IQCE: variants seen among roughly 807,000 people sequenced by gnomAD.
IQCE encodes the protein IQ domain-containing protein E.
A neutral mutation model predicts 96.0 loss-of-function variants in IQCE; 115 were observed. The observed-to-expected ratio is 1.20, with a 90% confidence interval of 1.03 to 1.40. The LOEUF is 1.40. Among genes scored for constraint, IQCE ranks in the 40% most tolerant of loss-of-function variants. The pLI is 0.00. For missense variants in IQCE, 1,041 were observed against 909.1 expected (o/e 1.15, Z -1.87); for synonymous variants, 412 against 371.2 (o/e 1.11, Z -1.26).
Position 2,559,140 on chromosome 7 carries a change from C to T in IQCE, c.-42C>T. 1 of 1,205,784 alleles carries T rather than the reference C, an allele frequency of 8.3e-7. No homozygotes were observed. Among genetic ancestry groups the T allele is most frequent in the Non-Finnish European group, 1.0e-6 (1 of 969,250 alleles). The allele number at this position is 1,205,784 out of a possible 1,614,324, so 74.7% of individuals were successfully genotyped here. A position where few individuals can be genotyped will look rare whatever the true frequency, so the allele number is the denominator to read the frequency against. On this transcript the variant is annotated 5_prime_UTR_variant, in exon 1 of 22. Coordinates refer to ENST00000402050, the MANE Select transcript of IQCE (RefSeq NM_152558.5). ...CCGCGGATTCCCAGACCCGGACGCC[C>T]GAGCCAGCAACCCTGAGGGGCGGCC...
At chr7:2,589,683 G>T (rs1783424390) in intron 13 of IQCE, among the ~76,000 whole-genome samples, 1 of 152,090 alleles carries the variant, frequency 6.6e-6, no homozygotes. Flanking sequence ...GCTTGGCGGG[G>T]GTCTGCGCGT....
At chr7:2,578,377 G>C (rs1562638005) in intron 7 of IQCE, 22 bp downstream of exon 7, 1 of 1,612,768 alleles carries the variant, frequency 6.2e-7, no homozygotes, top group East Asian at 2.2e-5. Context: ...GCGCTTCACG[G>C]ACGGGGCAAG....
intron 1 of IQCE, among the ~76,000 whole-genome samples, chr7:2,564,172 A>G (rs539408817): frequency 1.8e-4 from 28 of 152,186 alleles, no homozygotes; most frequent in African/African-American, 5.1e-4. Context: ...AGATCATGCT[A>G]TTGCACCCCA....
At chr7:2,570,992 A>C (rs955460240) in intron 3 of IQCE, among the ~76,000 whole-genome samples, 2 of 152,084 alleles carry the variant, frequency 1.3e-5, no homozygotes, top group African/African-American at 4.8e-5. Flanking sequence ...ATGTTGGTAG[A>C]ATTCATATAT....
At chr7:2,569,866 A>G (rs936665998) in intron 3 of IQCE, among the ~76,000 whole-genome samples, 12 of 152,374 alleles carry the variant, frequency 7.9e-5, no homozygotes, top group Non-Finnish European at 2.9e-5. Context: ...AAAAGAATGC[A>G]TGTTATATGT....
At chr7:2,606,074 G>A in intron 20 of IQCE, 77 bp downstream of exon 20, 1 of 1,458,948 alleles carries the variant, frequency 6.9e-7, no homozygotes, top group Non-Finnish European at 9.1e-7. Context: ...CGGAGCACTG[G>A]GTGCAGGGCA....
intron 1 of IQCE, among the ~76,000 whole-genome samples, chr7:2,562,621 G>T (rs1179322350): frequency 2.0e-5 from 3 of 148,294 alleles, no homozygotes; most frequent in East Asian, 3.9e-4. Flanking sequence ...CTGTATTTTG[G>T]TAATTTCGTG....
chr7:2,606,075 G>C, intron 20 of IQCE, 78 bp downstream of exon 20: 1 of 1,459,318 alleles, frequency 6.9e-7, no homozygotes, highest in Non-Finnish European at 9.1e-7. Flanking sequence ...GGAGCACTGG[G>C]TGCAGGGCAT....
At chr7:2,600,844 T>A (rs1267948885) in intron 17 of IQCE, among the ~76,000 whole-genome samples, 1 of 152,162 alleles carries the variant, frequency 6.6e-6, no homozygotes, top group East Asian at 1.9e-4. Context: ...AGGACTTCGC[T>A]CACATCTATA....
At chr7:2,579,769 G>T (rs550896971) in intron 8 of IQCE, among the ~76,000 whole-genome samples, 1 of 150,812 alleles carries the variant, frequency 6.6e-6, no homozygotes, top group South Asian at 2.1e-4. Context: ...CTTGAGACAG[G>T]GACTCACTCT....
At chr7:2,607,379 T>G in intron 21 of IQCE, 152 bp downstream of exon 21, 1 of 1,390,474 alleles carries the variant, frequency 7.2e-7, no homozygotes, top group Non-Finnish European at 9.3e-7. Context: ...CGTCGCCTTA[T>G]GCCAGGAAGG....
chr7:2,603,290 T>C (rs930263580), intron 18 of IQCE, among the ~76,000 whole-genome samples: 1 of 152,212 alleles, frequency 6.6e-6, no homozygotes, highest in South Asian at 2.1e-4. Context: ...CACTTTGTGG[T>C]TATTCTTGCC....
At chr7:2,582,213 G>A (rs1782728131) in intron 8 of IQCE, 3 of 387,684 alleles carry the variant, frequency 7.7e-6, no homozygotes, top group South Asian at 4.3e-5. Flanking sequence ...GGGGCTTCAG[G>A]TCTGTGGTTT....
Position 2,605,917 on chromosome 7 carries a change from C to T in IQCE, c.1785C>T (p.Ala595=), listed in dbSNP as rs777774245. ...VPRVPSPIAQ[A]TGSPVQEEAI... is the part of the protein sequence containing the mutation. The stretch of plus-strand genomic sequence containing the variant: ...GCGTTCCGAGCCCCATCGCCCAGGC[C>T]ACGGGCAGCCCTGTGCAGGAGGAGG... The change falls in exon 20 of 22, where the codon GCC becomes GCT. Residue 595 remains alanine (A), a synonymous_variant. Coordinates refer to ENST00000402050, the MANE Select transcript of IQCE (RefSeq NM_152558.5). 7.5e-6 allele frequency: 12 copies of T among 1,609,088 alleles called. No homozygotes were observed. The highest frequency in any genetic ancestry group is 4.0e-5 in the African/African-American group (3 of 74,678).
rs372253138 is a variant in IQCE, at chr7:2,598,534, G to A, written c.1510G>A (p.Glu504Lys). Residue 504 changes from glutamate (E) to lysine (K), a missense_variant, in exon 17 of 22, where the codon GAG (glutamate) becomes AAG (lysine). By Grantham distance (56) the Glu-to-Lys change is moderately conservative. Coordinates refer to ENST00000402050, the MANE Select transcript of IQCE (RefSeq NM_152558.5). ...CEQDWPPDSS[E>K]EGLPRPRSPC... ...GCAAGACTGGCCGCCGGATTCCAGC[G>A]AGGAGGGGCTCCCGCGGCCCCGCTC... 21 of 1,611,210 alleles carry A rather than the reference G, an allele frequency of 1.3e-5. No homozygotes were observed. The highest frequency in any genetic ancestry group is 2.2e-5 in the East Asian group (1 of 44,524).
At chr7:2,565,097 C>CGTGCGT (rs1268646529) in intron 1 of IQCE, among the ~76,000 whole-genome samples, 32 of 148,006 alleles carry the variant, frequency 2.2e-4, no homozygotes, top group Admixed American at 8.8e-4. Context: ...CGTGTGTGTG[C>CGTGCGT]GTGTGTGTGT....
intron 10 of IQCE, 39 bp downstream of exon 10, chr7:2,583,748 G>T (rs377125135): frequency 2.2e-6 from 2 of 910,782 alleles, no homozygotes; most frequent in Admixed American, 4.6e-5. Flanking sequence ...GGCGGGCACC[G>T]AGCTGGGCGG....
intron 3 of IQCE, among the ~76,000 whole-genome samples, chr7:2,570,062 T>C (rs1396418002): frequency 6.6e-6 from 1 of 151,948 alleles, no homozygotes; most frequent in Non-Finnish European, 1.5e-5. Context: ...GTAGGGACCA[T>C]GTCTGTCCTG....
chr7:2,568,825 A>G, intron 2 of IQCE, 129 bp from the exon 3 acceptor site: 1 of 794,806 alleles, frequency 1.3e-6, no homozygotes, highest in Non-Finnish European at 2.1e-6. Context: ...GACCCTCCTT[A>G]CGTCCCCGTA....
Sources: gnomAD v4.1 joint callset for allele counts (sites outside exome capture counted in the v4.1 genomes callset) on GRCh38, gnomAD v4.1.1 for gene constraint, MANE v1.5 for transcripts, NCBI Gene and HGNC (gene_info 2026-07-23, HGNC 2026-07-21) for gene names.